LMNTD1: variants seen among roughly 807,000 people sequenced by gnomAD.
LMNTD1 encodes lamin tail domain containing 1.
A neutral mutation model predicts 50.9 loss-of-function variants in LMNTD1; 35 were observed. The observed-to-expected ratio is 0.69, with a 90% CI of 0.53 to 0.91. The LOEUF (loss-of-function observed/expected upper bound fraction) is 0.91. LMNTD1 is among the 40% of genes least tolerant of loss of function. The pLI, the probability that LMNTD1 is intolerant of heterozygous loss-of-function variation, is 0.00. For missense variants in LMNTD1, 470 were observed against 475.5 expected (o/e 0.99, Z 0.11); for synonymous variants, 153 against 161.9 (o/e 0.94, Z 0.42).
At chr12:25,507,534 C>T (rs1237777753) in intron 8 of LMNTD1, among the ~76,000 whole-genome samples, 2 of 152,160 alleles carry the variant, frequency 1.3e-5, no homozygotes, top group Admixed American at 6.5e-5. Flanking sequence ...GTACAGGGCA[C>T]TTTGGGTGGC....
chr12:25,584,096 G>C (rs1014268816), intron 1 of LMNTD1, among the ~76,000 whole-genome samples: 1 of 152,154 alleles, frequency 6.6e-6, no homozygotes, highest in African/African-American at 2.4e-5. Context: ...GGCAGAATTT[G>C]CTGGCAGATT....
intron 1 of LMNTD1, among the ~76,000 whole-genome samples, chr12:25,564,877 A>G (rs1944489240): frequency 6.6e-6 from 1 of 152,108 alleles, no homozygotes; most frequent in African/African-American, 2.4e-5. Context: ...TTTATCTCTA[A>G]TAATATTTGC....
intron 9 of LMNTD1, among the ~76,000 whole-genome samples, chr12:25,491,262 GT>G (rs1454198431): frequency 6.6e-6 from 1 of 152,224 alleles, no homozygotes; most frequent in Non-Finnish European, 1.5e-5. Flanking sequence ...GTATAATGCA[GT>G]ATGAAGCAGA....
intron 1 of LMNTD1, among the ~76,000 whole-genome samples, chr12:25,619,252 C>CTCTATA (rs1374134268): frequency 2.2e-4 from 19 of 84,450 alleles, no homozygotes; most frequent in African/African-American, 7.7e-4. Flanking sequence ...CTCTCTCTCT[C>CTCTATA]TATATATATA....
chr12:25,644,896 T>G (rs2136634885), intron 1 of LMNTD1, among the ~76,000 whole-genome samples: 1 of 152,290 alleles, frequency 6.6e-6, no homozygotes, highest in South Asian at 2.1e-4. Context: ...TTTGACGAGA[T>G]GAAGGCACTC....
intron 1 of LMNTD1, among the ~76,000 whole-genome samples, chr12:25,625,496 G>T (rs1248229844): frequency 1.3e-5 from 2 of 152,106 alleles, no homozygotes; most frequent in Non-Finnish European, 2.9e-5. Context: ...TGATGTCAGG[G>T]TGGTCACTGA....
At chr12:25,527,723 T>C (rs192924035) in intron 4 of LMNTD1, among the ~76,000 whole-genome samples, 2,699 of 122,864 alleles carry the variant, frequency 0.022, 61 homozygotes, top group Middle Eastern at 0.044. Flanking sequence ...CACACACATA[T>C]ACACACATAT....
At chr12:25,587,795 ATTGT>A (rs1945583412) in intron 1 of LMNTD1, among the ~76,000 whole-genome samples, 1 of 152,184 alleles carries the variant, frequency 6.6e-6, no homozygotes, top group Admixed American at 6.5e-5. Flanking sequence ...GCCCTCAATA[ATTGT>A]TTGTTGAACT....
chr12:25,627,772 CTT>C (rs1468514449), intron 1 of LMNTD1, among the ~76,000 whole-genome samples: 1 of 152,130 alleles, frequency 6.6e-6, no homozygotes, highest in East Asian at 1.9e-4. Flanking sequence ...ATTAAATTAA[CTT>C]TGGGGAAAAC....
chr12:25,640,334 A>T (rs1251556369), intron 1 of LMNTD1, among the ~76,000 whole-genome samples: 1 of 151,972 alleles, frequency 6.6e-6, no homozygotes, highest in Non-Finnish European at 1.5e-5. Flanking sequence ...ATGTGGCAAA[A>T]CCCTGTCTCT....
chr12:25,634,799 C>T (rs569429682), intron 1 of LMNTD1, among the ~76,000 whole-genome samples: 3 of 152,092 alleles, frequency 2.0e-5, no homozygotes, highest in Non-Finnish European at 4.4e-5. Flanking sequence ...ACTAGAAGTC[C>T]TATCCTGAGC....
intron 1 of LMNTD1, among the ~76,000 whole-genome samples, chr12:25,624,878 G>A (rs1946553738): frequency 6.6e-6 from 1 of 152,174 alleles, no homozygotes; most frequent in Admixed American, 6.5e-5. Context: ...ACAAAAGCAA[G>A]TATCCCAGCA....
At chr12:25,550,692 T>G (rs1054340725) in intron 2 of LMNTD1, among the ~76,000 whole-genome samples, 8 of 152,202 alleles carry the variant, frequency 5.3e-5, no homozygotes, top group Non-Finnish European at 1.2e-4. Context: ...TCTGCCATCT[T>G]GCTGCTGTCA....
At chr12:25,592,619 G>A (rs993353866) in intron 1 of LMNTD1, 1 of 152,834 alleles carries the variant, frequency 6.5e-6, no homozygotes, top group East Asian at 1.9e-4. Context: ...GGTCCTTGGG[G>A]CGGGGGGCAG....
At chr12:25,549,129 T>C (rs1943602933) in intron 3 of LMNTD1, among the ~76,000 whole-genome samples, 197 bp downstream of exon 3, 1 of 152,018 alleles carries the variant, frequency 6.6e-6, no homozygotes, top group Non-Finnish European at 1.5e-5. Flanking sequence ...CACATGCATG[T>C]ATGTGGCCTG....
chr12:25,590,561 C>T (rs988071189), intron 1 of LMNTD1, among the ~76,000 whole-genome samples: 15 of 152,174 alleles, frequency 9.9e-5, no homozygotes, highest in Admixed American at 9.2e-4. Flanking sequence ...TACTGAGAAA[C>T]CAGCGAGGTG....
intron 1 of LMNTD1, among the ~76,000 whole-genome samples, chr12:25,619,152 A>G (rs183400733): frequency 1.3e-5 from 2 of 151,910 alleles, no homozygotes; most frequent in Admixed American, 1.3e-4. Flanking sequence ...GTGTACTTGT[A>G]CAGGAGTTTC....
chr12:25,492,684 A>G (rs1259969963), intron 9 of LMNTD1, among the ~76,000 whole-genome samples: 1 of 152,222 alleles, frequency 6.6e-6, no homozygotes, highest in Non-Finnish European at 1.5e-5. Flanking sequence ...CAAGCAAGTC[A>G]TAAAAAGCAA....
intron 1 of LMNTD1, among the ~76,000 whole-genome samples, chr12:25,615,142 G>T (rs889266808): frequency 6.6e-6 from 1 of 152,160 alleles, no homozygotes; most frequent in Non-Finnish European, 1.5e-5. Context: ...CAGCTAAAAG[G>T]GAGAAATTTA....
Sources: gnomAD v4.1 joint callset for allele counts (sites outside exome capture counted in the v4.1 genomes callset) on GRCh38, gnomAD v4.1.1 for gene constraint, MANE v1.5 for transcripts, NCBI Gene and HGNC (gene_info 2026-07-23, HGNC 2026-07-21) for gene names.